Variants in JPH1 observed in about 807,000 individuals in gnomAD.
JPH1 encodes junctophilin-1.
A neutral mutation model predicts 53.6 loss-of-function variants in JPH1; 12 were observed. That is an observed-to-expected ratio of 0.22 (90% CI 0.14 to 0.36). The LOEUF (loss-of-function observed/expected upper bound fraction) is 0.36. Ranked by LOEUF, JPH1 falls within the 10% of genes least tolerant of loss-of-function variation. JPH1 has a pLI of 1.00. For synonymous variants in JPH1, 375 were observed against 363.8 expected, an observed-to-expected ratio of 1.03 and a Z score of -0.35; for missense variants, 808 against 905.5, an observed-to-expected ratio of 0.89 and a Z score of 1.38.
intron 2 of JPH1, among the ~76,000 whole-genome samples, chr8:74,284,682 G>A (rs1807108796): frequency 6.6e-6 from 1 of 151,648 alleles, no homozygotes. Flanking sequence ...AATACAAATT[G>A]AGTTCTAGTT....
chr8:74,266,988 C>T (rs1466135190), intron 2 of JPH1, among the ~76,000 whole-genome samples: 1 of 152,088 alleles, frequency 6.6e-6, no homozygotes, highest in Non-Finnish European at 1.5e-5. Flanking sequence ...AGGCTGTCTT[C>T]AACAAATATT....
At chr8:74,272,963 A>G (rs988296509) in intron 2 of JPH1, among the ~76,000 whole-genome samples, 2 of 152,100 alleles carry the variant, frequency 1.3e-5, no homozygotes, top group African/African-American at 4.8e-5. Context: ...ATTAAAATAT[A>G]TTTTCCAGGG....
intron 2 of JPH1, among the ~76,000 whole-genome samples, chr8:74,298,508 C>T (rs1450522867): frequency 6.6e-6 from 1 of 152,170 alleles, no homozygotes; most frequent in Non-Finnish European, 1.5e-5. Flanking sequence ...ACTTCCTCGG[C>T]ACTCTGAAAC....
At chr8:74,287,445 T>TAAAAAAAAAAAAAAAAAAAAAAAA (rs1277338833) in intron 2 of JPH1, among the ~76,000 whole-genome samples, 1 of 152,020 alleles carries the variant, frequency 6.6e-6, no homozygotes, top group Non-Finnish European at 1.5e-5. Flanking sequence ...TACTGTGAGT[T>TAAAAAAAAAAAAAAAAAAAAAAAA]AAAAATTACA....
intron 2 of JPH1, 105 bp from the exon 3 acceptor site, chr8:74,259,608 G>T: frequency 2.3e-6 from 2 of 887,150 alleles, no homozygotes; most frequent in Non-Finnish European, 3.3e-6. Context: ...TATGATTATG[G>T]CCCGACACCC....
chr8:74,321,439 C>A lies in JPH1; in HGVS notation c.-152G>T, dbSNP rs1808323872. 3 of 660,492 alleles carry A rather than the reference C, an allele frequency of 4.5e-6. No individual in the cohort carries two copies. The highest frequency in any genetic ancestry group is 4.5e-6 in the Non-Finnish European group (2 of 442,664). 40.9% of individuals were successfully genotyped at this position (660,492 alleles called of 1,614,324 possible). On this transcript the variant is annotated 5_prime_UTR_variant, in exon 1 of 6. Coordinates refer to ENST00000342232, the MANE Select transcript of JPH1 (RefSeq NM_020647.4). The surrounding 1 kb of genome is among the most constrained non-coding windows in gnomAD (Gnocchi z 4.3). ...CTGCCGCTCGGCTCCAGTCCGACGC[C>A]GCCCCCGTCCTCCCTCCTCTTTTGC...
chr8:74,277,127 C>A (rs1270091100), intron 2 of JPH1, among the ~76,000 whole-genome samples: 1 of 152,184 alleles, frequency 6.6e-6, no homozygotes, highest in African/African-American at 2.4e-5. Flanking sequence ...GTGATGCAGG[C>A]CAAACCCGCT....
intron 3 of JPH1, among the ~76,000 whole-genome samples, chr8:74,246,898 T>C (rs1805876592): frequency 6.6e-6 from 1 of 152,314 alleles, no homozygotes; most frequent in South Asian, 2.1e-4. Context: ...CCATCAAAAA[T>C]GGCAATGTTA....
intron 4 of JPH1, among the ~76,000 whole-genome samples, chr8:74,237,627 C>T (rs1807039445): frequency 6.6e-6 from 1 of 152,188 alleles, no homozygotes; most frequent in Non-Finnish European, 1.5e-5. Context: ...CTACGAACGG[C>T]TGGGAGTTAG....
At chr8:74,278,330 G>A (rs2131415843) in intron 2 of JPH1, among the ~76,000 whole-genome samples, 1 of 152,318 alleles carries the variant, frequency 6.6e-6, no homozygotes, top group African/African-American at 2.4e-5. Context: ...CCCCAGCCAT[G>A]TGGAACTGTA....
At chr8:74,261,317 T>C (rs542610243) in intron 2 of JPH1, among the ~76,000 whole-genome samples, 1 of 152,254 alleles carries the variant, frequency 6.6e-6, no homozygotes, top group East Asian at 1.9e-4. Context: ...ATGTTAATAA[T>C]AGGGGATATT....
In JPH1 at chr8:74,321,501, CCTT is replaced by C. The variant is rs1426430619; in HGVS notation, c.-217_-215del. ...CCGCCTTCCTCCTCCTCCTCCTCCT[CCTT>C]CGCCGCCGCCGCCTGGGCCAGCGCC... On this transcript the variant is annotated 5_prime_UTR_variant, in exon 1 of 6. Transcript: ENST00000342232. The surrounding 1 kb of genome is among the most constrained non-coding windows in gnomAD (Gnocchi z 4.3). The C allele has an allele frequency of 2.8e-5, 13 of 472,014 alleles. No individual in the cohort carries two copies. The highest frequency in any genetic ancestry group is 1.4e-4 in the South Asian group (3 of 21,436). 29.2% of individuals were successfully genotyped at this position (472,014 alleles called of 1,614,324 possible).
At chr8:74,240,032 C>T (rs547770757) in intron 4 of JPH1, among the ~76,000 whole-genome samples, 13 of 152,078 alleles carry the variant, frequency 8.5e-5, no homozygotes, top group Non-Finnish European at 2.9e-5. Context: ...AGTGCAGTGG[C>T]GCGATCTTGG....
intron 2 of JPH1, among the ~76,000 whole-genome samples, chr8:74,309,342 C>T (rs190293613): frequency 6.6e-6 from 1 of 152,194 alleles, no homozygotes; most frequent in African/African-American, 2.4e-5. Flanking sequence ...TCTTATCTGC[C>T]TGATATAACA....
intron 4 of JPH1, among the ~76,000 whole-genome samples, chr8:74,242,554 T>C (rs990562711): frequency 1.3e-5 from 2 of 152,234 alleles, no homozygotes; most frequent in African/African-American, 4.8e-5. Flanking sequence ...CTCTCAAAAC[T>C]ATGTAGTACT....
intron 3 of JPH1, among the ~76,000 whole-genome samples, chr8:74,254,395 A>G (rs894989050): frequency 3.3e-5 from 5 of 152,132 alleles, no homozygotes; most frequent in African/African-American, 1.2e-4. Context: ...GATGTATCTC[A>G]AAATAGTAAG....
intron 2 of JPH1, among the ~76,000 whole-genome samples, chr8:74,303,825 T>A (rs1363886046): frequency 6.6e-6 from 1 of 152,148 alleles, no homozygotes; most frequent in Non-Finnish European, 1.5e-5. Flanking sequence ...GCCAGAGTGA[T>A]CTTTCTAAAG....
chr8:74,281,081 G>A (rs1033771662), intron 2 of JPH1, among the ~76,000 whole-genome samples: 2 of 152,200 alleles, frequency 1.3e-5, no homozygotes, highest in African/African-American at 4.8e-5. Context: ...TAATTAAAAT[G>A]TTATGGGGAA....
chr8:74,316,235 T>A (rs1013723548), intron 1 of JPH1, among the ~76,000 whole-genome samples: 2 of 152,168 alleles, frequency 1.3e-5, no homozygotes, highest in Non-Finnish European at 2.9e-5. Context: ...GGTGAACCTT[T>A]TTGAGCTAAG....
Sources: gnomAD v4.1 joint callset for allele counts (sites outside exome capture counted in the v4.1 genomes callset) on GRCh38, gnomAD v4.1.1 for gene constraint, Gnocchi (gnomAD v3.1) non-coding constraint, MANE v1.5 for transcripts, NCBI Gene and HGNC (gene_info 2026-07-23, HGNC 2026-07-21) for gene names.